Variants in CDH6 observed in about 807,000 individuals in gnomAD.
CDH6 encodes cadherin-6.
In CDH6, 31 loss-of-function variants were observed where a neutral mutation model predicts 78.0. The observed-to-expected ratio is 0.40, with a 90% CI of 0.30 to 0.54. The LOEUF (loss-of-function observed/expected upper bound fraction) is 0.54. Ranked by LOEUF, CDH6 falls within the 20% of genes least tolerant of loss-of-function variation. CDH6 has a pLI of 0.56. For synonymous variants in CDH6, 376 were observed against 368.8 expected, an observed-to-expected ratio of 1.02 and a Z score of -0.23; for missense variants, 724 against 975.9, an observed-to-expected ratio of 0.74 and a Z score of 3.44.
Position 31,292,849 on chromosome 5 carries a change from G to A in CDH6, c.229-1113G>A, listed in dbSNP as rs1172214256. ...TATATATATATATATATATATATGT[G>A]TGCATATATATATATATATATATAT... On this transcript the variant is annotated intron_variant, in intron 2 of 11. Transcript: ENST00000265071. 1.1e-3 allele frequency among the ~76,000 whole-genome samples: 15 copies of A among 13,514 alleles called. No individual in the cohort carries two copies. The African/African-American group carries it at 0.013, about 12-fold the overall frequency. 8.9% of individuals were successfully genotyped at this position (13,514 alleles called of 152,430 possible).
chr5:31,224,132 C>A (rs904950196), intron 1 of CDH6, among the ~76,000 whole-genome samples: 1 of 152,168 alleles, frequency 6.6e-6, no homozygotes, highest in Non-Finnish European at 1.5e-5. Flanking sequence ...ACTTACAGCT[C>A]CATATGGCTG....
At chr5:31,204,296 T>C (rs1390562821) in intron 1 of CDH6, among the ~76,000 whole-genome samples, 1 of 152,124 alleles carries the variant, frequency 6.6e-6, no homozygotes, top group Non-Finnish European at 1.5e-5. Flanking sequence ...CAAAAAGCAA[T>C]GAAATTAAAT....
At chr5:31,216,809 C>G (rs371570788) in intron 1 of CDH6, among the ~76,000 whole-genome samples, 2 of 151,982 alleles carry the variant, frequency 1.3e-5, no homozygotes, top group African/African-American at 4.8e-5. Flanking sequence ...CCTGACTAGC[C>G]CGCAAATGCC....
Position 31,267,405 on chromosome 5 carries a change from C to T in CDH6, c.-69C>T. The T allele has an allele frequency of 5.7e-6, 6 of 1,045,140 alleles. No homozygotes were observed. Among genetic ancestry groups the T allele is most frequent in the Middle Eastern group, 2.4e-4 (1 of 4,198 alleles). The allele number at this position is 1,045,140 out of a possible 1,614,324, so 64.7% of individuals were successfully genotyped here. A position where few individuals can be genotyped will look rare whatever the true frequency, so the allele number is the denominator to read the frequency against. Reference sequence around the variant, plus strand: ...AAGGAAGGAGGAATGAGGCTGGATACGGTGCAGTGAAAAAGGCACTTCCAA... The same window carrying T: ...AAGGAAGGAGGAATGAGGCTGGATATGGTGCAGTGAAAAAGGCACTTCCAA... On this transcript the variant is annotated 5_prime_UTR_variant, in exon 2 of 12. It adds an upstream start codon to the 5' untranslated region. Transcript: ENST00000265071.
In CDH6 at chr5:31,267,682, A is replaced by G. The variant is rs779462305; in HGVS notation, c.209A>G (p.Asp70Gly). Residue 70 changes from aspartate to glycine, a missense_variant, in exon 2 of 12, where the codon GAT (aspartate) becomes GGT (glycine). By Grantham distance (94) the Asp-to-Gly change is moderately conservative (BLOSUM62 -1). Coordinates refer to ENST00000265071, the MANE Select transcript of CDH6 (RefSeq NM_004932.4). ...CTCCTGGAGGAATACACAGGATCCG[A>G]TTATCAGTATGTGGGCAAGGTAGGA... is the stretch of plus-strand genomic sequence containing the variant. ...FFLLEEYTGS[D>G]YQYVGKLHSD... 3.1e-6 allele frequency: 5 copies of G among 1,613,542 alleles called. No homozygotes were observed. The African/African-American group carries it at 6.7e-5, about 22-fold the overall frequency.
At chr5:31,217,682 A>G (rs1740904575) in intron 1 of CDH6, among the ~76,000 whole-genome samples, 1 of 152,182 alleles carries the variant, frequency 6.6e-6, no homozygotes. Context: ...GGTAAAACAC[A>G]GTAACTGATG....
At chr5:31,200,488 C>T (rs1398224589) in intron 1 of CDH6, among the ~76,000 whole-genome samples, 3 of 151,908 alleles carry the variant, frequency 2.0e-5, no homozygotes, top group East Asian at 3.9e-4. Context: ...TTTATGACCA[C>T]ATTTATTTTG....
intron 2 of CDH6, among the ~76,000 whole-genome samples, chr5:31,289,808 A>T (rs1487831927): frequency 2.6e-5 from 4 of 152,334 alleles, no homozygotes; most frequent in Admixed American, 2.6e-4. Context: ...TTTAAAGTCA[A>T]GTTGGAATTC....
intron 9 of CDH6, among the ~76,000 whole-genome samples, chr5:31,316,779 C>T (rs1738336976): frequency 6.6e-6 from 1 of 152,142 alleles, no homozygotes; most frequent in African/African-American, 2.4e-5. Context: ...TTCTTTGCTG[C>T]CAGTGATATA....
At position 31,308,970 on chromosome 5, in the gene CDH6, G is replaced by C. The variant is rs529384204; in HGVS notation, c.1253+3543G>C. Reference sequence around the variant, plus strand: ...TTCTTATGAAGTCTATGAATATTGAGATTTCCTTTTTGTAATTAACGATGT... The same window carrying C: ...TTCTTATGAAGTCTATGAATATTGACATTTCCTTTTTGTAATTAACGATGT... On this transcript the variant is annotated intron_variant, in intron 7 of 11. Coordinates refer to ENST00000265071, the MANE Select transcript of CDH6 (RefSeq NM_004932.4). Among the ~76,000 whole-genome samples the C allele has an allele frequency of 9.0e-4, 137 of 151,982 alleles. 2 individuals carry two copies. Among genetic ancestry groups the C allele is most frequent in the African/African-American group, 3.3e-3 (135 of 41,514 alleles).
chr5:31,302,042 G>T (rs1011878333), intron 5 of CDH6, 69 bp from the exon 6 acceptor site: 13 of 1,045,248 alleles, frequency 1.2e-5, no homozygotes, highest in East Asian at 4.9e-5. Flanking sequence ...TAGAGAATAG[G>T]TTTTGTTTTT....
rs1240902894 is a variant in CDH6 at position 31,323,524 on chromosome 5, C to G, written c.*216C>G. The stretch of plus-strand genomic sequence containing the variant: ...TTATTTTTTAGTGCATCCAGTTAAC[C>G]AAGTCAGCCCAACAGGCAGGTGCCG... On this transcript the variant is annotated 3_prime_UTR_variant, in exon 12 of 12. Coordinates refer to ENST00000265071, the MANE Select transcript of CDH6 (RefSeq NM_004932.4). The G allele has an allele frequency of 1.9e-6, 1 of 522,708 alleles. No individual in the cohort carries two copies. The highest frequency in any genetic ancestry group is 1.9e-5 in the African/African-American group (1 of 52,800). 32.4% of individuals were successfully genotyped at this position (522,708 alleles called of 1,614,324 possible).
intron 11 of CDH6, among the ~76,000 whole-genome samples, chr5:31,320,038 G>A (rs147379705): frequency 1.1e-4 from 16 of 152,144 alleles, no homozygotes; most frequent in Admixed American, 3.9e-4. Flanking sequence ...CCTCTATTCC[G>A]CCAAAAATCT....
At chr5:31,297,191 T>C (rs1023095064) in intron 3 of CDH6, 98 bp from the exon 4 acceptor site, 6 of 1,044,018 alleles carry the variant, frequency 5.7e-6, no homozygotes, top group Non-Finnish European at 8.9e-6. Context: ...CTCAGCATGA[T>C]ATTTCCATAC....
At chr5:31,291,472 A>C (rs1743161146) in intron 2 of CDH6, among the ~76,000 whole-genome samples, 1 of 152,220 alleles carries the variant, frequency 6.6e-6, no homozygotes, top group African/African-American at 2.4e-5. Flanking sequence ...TCTTCACAAC[A>C]GCCTGGCCAT....
At chr5:31,199,685 G>GTGTGTGTATATATATATA (rs796740950) in intron 1 of CDH6, among the ~76,000 whole-genome samples, 43 of 79,844 alleles carry the variant, frequency 5.4e-4, no homozygotes, top group African/African-American at 2.0e-3. Flanking sequence ...GTGTGTGTGT[G>GTGTGTGTATATATATATA]TATATATATA....
At chr5:31,263,785 T>C (rs1166559528) in intron 1 of CDH6, among the ~76,000 whole-genome samples, 2 of 152,200 alleles carry the variant, frequency 1.3e-5, no homozygotes, top group Non-Finnish European at 2.9e-5. Context: ...ATTCAAACCA[T>C]AGCAGATATC....
At chr5:31,305,795 A>T (rs1737975198) in intron 7 of CDH6, among the ~76,000 whole-genome samples, 1 of 152,206 alleles carries the variant, frequency 6.6e-6, no homozygotes, top group Admixed American at 6.5e-5. Context: ...TGTAAATTCT[A>T]TGTAAATAGT....
chr5:31,322,447 T>C (rs548849215), intron 11 of CDH6, among the ~76,000 whole-genome samples: 53 of 152,278 alleles, frequency 3.5e-4, no homozygotes, highest in Non-Finnish European at 6.2e-4. Flanking sequence ...TTTCAGAGCA[T>C]TTTAGGTGTT....
Sources: allele counts gnomAD v4.1 joint callset (sites outside exome capture counted in the v4.1 genomes callset), GRCh38; gene constraint gnomAD v4.1.1; transcripts MANE v1.5; gene names NCBI Gene and HGNC (gene_info 2026-07-23, HGNC 2026-07-21).